The following WDR73 variants were observed in gnomAD, a reference collection of about 807,000 sequenced individuals.
WDR73 encodes the protein WD repeat domain 73.
A neutral mutation model predicts 38.2 loss-of-function variants in WDR73; 30 were observed. That is an observed-to-expected ratio of 0.79 (90% confidence interval 0.59 to 1.06). WDR73 has a LOEUF of 1.06. Ranked by LOEUF, WDR73 falls within the 50% of genes least tolerant of loss-of-function variation. The probability of loss-of-function intolerance (pLI) is 0.00; values close to 1 mark genes in which losing one functional copy is unlikely to be tolerated. For missense variants in WDR73, 487 were observed against 467.0 expected (o/e 1.04, Z -0.40); for synonymous variants, 197 against 176.0 (o/e 1.12, Z -0.94).
Position 84,643,693 on chromosome 15 carries a change from G to C in WDR73, c.914C>G (p.Ala305Gly), listed in dbSNP as rs774063205. Residue 305 changes from alanine (A) to glycine (G), a missense_variant, in exon 8 of 8, where the codon GCC (alanine) becomes GGC (glycine). Coordinates refer to ENST00000434634, the MANE Select transcript of WDR73 (RefSeq NM_032856.5). ...GFDGTVQVYDATSWDGTRSQD... is the reference protein window; with the variant it reads ...GFDGTVQVYDGTSWDGTRSQD... ...GCTCCGTGTTCCATCCCAAGATGTG[G>C]CATCATAGACCTGGACTGTACCATC... is the stretch of plus-strand genomic sequence containing the variant. The C allele has an allele frequency of 2.0e-5, 33 of 1,613,250 alleles. No homozygotes were observed. Among genetic ancestry groups the C allele is most frequent in the Non-Finnish European group, 2.8e-5 (33 of 1,179,626 alleles).
In WDR73 at chr15:84,645,189, C is replaced by T. The variant is rs8033769; in HGVS notation, c.883+282G>A. 2,319 of 1,287,288 alleles carry T rather than the reference C, an allele frequency of 1.8e-3. 14 individuals are homozygous for T. The highest frequency in any genetic ancestry group is 0.011 in the Middle Eastern group (35 of 3,176). The allele number at this position is 1,287,288 out of a possible 1,614,324, so 79.7% of individuals were successfully genotyped here. The stretch of plus-strand genomic sequence containing the variant: ...GTCCCCTTTTCTTTCTGACCCAGCC[C>T]GATGTCTGTCCCAGTGTCTTACTGT... On this transcript the variant is annotated intron_variant, in intron 7 of 7. Transcript: ENST00000434634.
rs748284074 is a variant in WDR73, at chr15:84,643,517, C to T, written c.1090G>A (p.Ala364Thr). 47 of 1,586,498 alleles carry T rather than the reference C, an allele frequency of 3.0e-5. 1 individual carries two copies. Among genetic ancestry groups the T allele is most frequent in the South Asian group, 1.7e-4 (15 of 87,158 alleles). The change falls in exon 8 of 8, where the codon GCC becomes ACC. Residue 364 changes from alanine to threonine, a missense_variant. Transcript: ENST00000434634. Reference protein sequence around the residue: ...PRTLLSATNDASLHVWDWVDL... With the variant: ...PRTLLSATNDTSLHVWDWVDL... The stretch of plus-strand genomic sequence containing the variant: ...ACCCAGTCCCACACATGCAGAGAGG[C>T]ATCATTTGTTGCTGATAACAAAGTC...
rs780699604 is a variant in WDR73, at chr15:84,654,251, C to T, written c.24G>A (p.Leu8=). The T allele has an allele frequency of 6.2e-6, 10 of 1,613,844 alleles. No individual in the cohort carries two copies. The highest frequency in any genetic ancestry group is 1.3e-5 in the African/African-American group (1 of 74,948). The change falls in exon 1 of 8, where the codon CTG becomes CTA. Residue 8 remains leucine (L), a synonymous_variant. Transcript: ENST00000434634. Reference sequence around the variant, plus strand: ...CGATTTACAAGCGCAAGGATTCCACCAGCCAGTCGTCCCCAGGATCCATGG... The same window carrying T: ...CGATTTACAAGCGCAAGGATTCCACTAGCCAGTCGTCCCCAGGATCCATGG... MDPGDDW[L]VESLRLYQDF...
rs796635542 is a variant in WDR73 at position 84,641,128 on chromosome 15, T to C, written c.*2342A>G. On this transcript the variant is annotated 3_prime_UTR_variant, in exon 8 of 8. Transcript: ENST00000434634. ...GCAGAAAGTGAATTTCAGAACTCCATGTCCCCTCCTGCTTTTCTCTGAGCA... is the reference window on the plus strand; with the variant it reads ...GCAGAAAGTGAATTTCAGAACTCCACGTCCCCTCCTGCTTTTCTCTGAGCA... The C allele has an allele frequency of 1.8e-4, 27 of 151,972 alleles. No homozygotes were observed. Among genetic ancestry groups the C allele is most frequent in the African/African-American group, 6.1e-4 (25 of 41,236 alleles). 9.4% of individuals were successfully genotyped at this position (151,972 alleles called of 1,614,324 possible).
At chr15:84,651,521 C>T (rs1481363123) in intron 3 of WDR73, among the ~76,000 whole-genome samples, 2 of 152,204 alleles carry the variant, frequency 1.3e-5, no homozygotes, top group African/African-American at 4.8e-5. Context: ...CTCCCTTGTC[C>T]TCTGATGACT....
Position 84,643,459 on chromosome 15 carries a change from A to G in WDR73, c.*11T>C. ...CCCCTTTCTAGAGGCCTAGATGGAA[A>G]GATGCTGGTGTCAGCGGGGGGCACA... On this transcript the variant is annotated 3_prime_UTR_variant, in exon 8 of 8. Transcript: ENST00000434634. The G allele has an allele frequency of 6.4e-7, 1 of 1,551,312 alleles. No individual in the cohort carries two copies. Among genetic ancestry groups the G allele is most frequent in the Non-Finnish European group, 8.7e-7 (1 of 1,147,222 alleles).
At position 84,643,017 on chromosome 15, in the gene WDR73, C is replaced by T. The variant is rs1050385692; in HGVS notation, c.*453G>A. On this transcript the variant is annotated 3_prime_UTR_variant, in exon 8 of 8. Transcript: ENST00000434634. Reference sequence around the variant, plus strand: ...AGTGTGGGAAAGTGCACCTGTGTTCCCATGAGACCCACTCAAGAGGAGCAG... The same window carrying T: ...AGTGTGGGAAAGTGCACCTGTGTTCTCATGAGACCCACTCAAGAGGAGCAG... 5.3e-5 allele frequency: 9 copies of T among 168,508 alleles called. No individual in the cohort carries two copies. Among genetic ancestry groups the T allele is most frequent in the Non-Finnish European group, 1.3e-5 (1 of 77,754 alleles). The allele number at this position is 168,508 out of a possible 1,614,324, so 10.4% of individuals were successfully genotyped here.
chr15:84,654,203 A>C, intron 1 of WDR73, 31 bp downstream of exon 1: 1 of 1,613,734 alleles, frequency 6.2e-7, no homozygotes, highest in Non-Finnish European at 8.5e-7. Flanking sequence ...CTCCAGGCCC[A>C]GCTCCCATGT....
chr15:84,648,713 G>GGC, intron 3 of WDR73, 88 bp from the exon 4 acceptor site: 2 of 1,064,810 alleles, frequency 1.9e-6, no homozygotes, highest in East Asian at 2.4e-5. Context: ...GTCCTAGCCT[G>GGC]GCAGGAGGCC....
rs1161073827 is a variant in WDR73 at position 84,645,236 on chromosome 15, TGA to T, written c.883+233_883+234del. ...CTGTCTGCAGGCCCCTCCACCAACC[TGA>T]GACCTGAATTCCTGCTAGGCTAGGA... On this transcript the variant is annotated intron_variant, in intron 7 of 7. Coordinates refer to ENST00000434634, the MANE Select transcript of WDR73 (RefSeq NM_032856.5). The T allele has an allele frequency of 2.1e-6, 3 of 1,413,342 alleles. No individual in the cohort carries two copies. In the Admixed American group the frequency reaches 7.6e-5, roughly 36 times the overall value. The allele number at this position is 1,413,342 out of a possible 1,614,324, so 87.6% of individuals were successfully genotyped here. A position where few individuals can be genotyped will look rare whatever the true frequency, so the allele number is the denominator to read the frequency against.
chr15:84,643,415 T>A lies in WDR73; in HGVS notation c.*55A>T. 1 of 1,535,286 alleles carries A rather than the reference T, an allele frequency of 6.5e-7. No homozygotes were observed. The highest frequency in any genetic ancestry group is 1.2e-5 in the South Asian group (1 of 81,534). On this transcript the variant is annotated 3_prime_UTR_variant, in exon 8 of 8. Coordinates refer to ENST00000434634, the MANE Select transcript of WDR73 (RefSeq NM_032856.5). ...CACTTGAGTCCTACATGAGCACCCT[T>A]GCTACTACAGCAGCTCCTCCCCTTT... is the stretch of plus-strand genomic sequence containing the variant.
chr15:84,646,409 C>T (rs1353813889), intron 5 of WDR73, 61 bp from the exon 6 acceptor site: 17 of 1,556,582 alleles, frequency 1.1e-5, no homozygotes, highest in Non-Finnish European at 1.5e-5. Context: ...ACATGACAGG[C>T]TGCCAGCTGT....
rs1174064137 is a variant in WDR73, at chr15:84,646,426, C to G, written c.353-78G>C. On this transcript the variant is annotated intron_variant, in intron 5 of 7. Transcript: ENST00000434634. ...ATGACAGGCTGCCAGCTGTCTTCCC[C>G]TGTACATTTAGAAGATCAAGGAAGA... is the stretch of plus-strand genomic sequence containing the variant. 11 of 1,525,382 alleles carry G rather than the reference C, an allele frequency of 7.2e-6. No homozygotes were observed. In the South Asian group the frequency reaches 1.2e-4, roughly 16 times the overall value. The allele number at this position is 1,525,382 out of a possible 1,614,324, so 94.5% of individuals were successfully genotyped here. A position where few individuals can be genotyped will look rare whatever the true frequency, so the allele number is the denominator to read the frequency against.
chr15:84,650,706 G>A (rs62021198), intron 3 of WDR73, among the ~76,000 whole-genome samples: 29,809 of 152,094 alleles, frequency 0.2, 3,701 homozygotes, highest in Middle Eastern at 0.36. Flanking sequence ...TGTTGGCCAG[G>A]CTGGTCTTGA....
rs776982721 is a variant in WDR73, at chr15:84,645,738, G to A, written c.616C>T (p.Arg206Trp). The change falls in exon 7 of 8, where the codon CGG becomes TGG. Residue 206 changes from arginine (R) to tryptophan (W), a missense_variant. Transcript: ENST00000434634. Reference protein sequence around the residue: ...ASGRLGLVDTRQKWAPLENRS... With the variant: ...ASGRLGLVDTWQKWAPLENRS... ...TTCTCCAACGGTGCCCACTTCTGCC[G>A]GGTGTCAACAAGCCCCAGCCGGCCT... 1.1e-5 allele frequency: 17 copies of A among 1,610,668 alleles called. No individual in the cohort carries two copies. Among genetic ancestry groups the A allele is most frequent in the Admixed American group, 5.1e-5 (3 of 59,342 alleles).
chr15:84,648,224 G>A (rs1233127161), intron 4 of WDR73: 1 of 589,568 alleles, frequency 1.7e-6, no homozygotes, highest in East Asian at 2.8e-5. Context: ...GAGACTCTTG[G>A]CCTCTCCCAA....
chr15:84,640,915 C>T lies in WDR73; in HGVS notation c.*2555G>A, dbSNP rs1009156785. The T allele has an allele frequency of 6.6e-6, 1 of 152,098 alleles. No individual in the cohort carries two copies. Among genetic ancestry groups the T allele is most frequent in the African/African-American group, 2.4e-5 (1 of 41,392 alleles). 9.4% of individuals were successfully genotyped at this position (152,098 alleles called of 1,614,324 possible). On this transcript the variant is annotated 3_prime_UTR_variant, in exon 8 of 8. Transcript: ENST00000434634. Reference sequence around the variant, plus strand: ...TATGAGGATCCTGACACAGTATTAGCACTTGGCAAACGTTAGTTTTCATTA... The same window carrying T: ...TATGAGGATCCTGACACAGTATTAGTACTTGGCAAACGTTAGTTTTCATTA...
intron 4 of WDR73, 168 bp from the exon 5 acceptor site, chr15:84,648,122 A>G (rs1596052896): frequency 1.5e-6 from 1 of 668,418 alleles, no homozygotes; most frequent in Non-Finnish European, 2.7e-6. Flanking sequence ...AGCAGGCTCA[A>G]TCAACTTTAG....
chr15:84,647,870 A>G lies in WDR73; in HGVS notation c.352+20T>C. On this transcript the variant is annotated intron_variant, in intron 5 of 7. Transcript: ENST00000434634. ...ACACTTTCCTAGAACCCCAAACCCC[A>G]TCAAGTCAAATTCACTCACCACTGT... 6.2e-7 allele frequency: 1 copy of G among 1,613,622 alleles called. No homozygotes were observed.
Sources: gnomAD v4.1 joint callset for allele counts (sites outside exome capture counted in the v4.1 genomes callset) on GRCh38, gnomAD v4.1.1 for gene constraint, MANE v1.5 for transcripts, NCBI Gene and HGNC (gene_info 2026-07-23, HGNC 2026-07-21) for gene names.